ATP10A: variants seen among roughly 807,000 people sequenced by gnomAD.
The protein encoded by ATP10A is ATPase phospholipid transporting 10A (putative), also known as phospholipid-transporting ATPase VA.
ATP10A carries 111 observed loss-of-function variants against 147.8 expected under a neutral mutation model. The observed-to-expected ratio is 0.75, with a 90% confidence interval of 0.64 to 0.88. The LOEUF is 0.88. Ranked by LOEUF, ATP10A falls within the 40% of genes least tolerant of loss-of-function variation. The probability of loss-of-function intolerance (pLI) is 0.00; values close to 1 mark genes in which losing one functional copy is unlikely to be tolerated. For missense variants in ATP10A, 1,927 were observed against 1,959.0 expected (o/e 0.98, Z 0.31); for synonymous variants, 875 against 841.6 (o/e 1.04, Z -0.69).
Position 25,681,868 on chromosome 15 carries a change from A to C in ATP10A, c.3493-794T>G, listed in dbSNP as rs191449202. On this transcript the variant is annotated intron_variant, in intron 17 of 20. Coordinates refer to ENST00000555815, the MANE Select transcript of ATP10A (RefSeq NM_024490.4). ...GGAGATCGAGACCATCCTGGTTAAC[A>C]TGGTGAAACCCCGTCTCTACTAAAC... Among the ~76,000 whole-genome samples, 84 of 152,232 alleles carry C rather than the reference A, an allele frequency of 5.5e-4. 1 individual carries two copies. The highest frequency in any genetic ancestry group is 9.0e-4 in the Non-Finnish European group (61 of 68,004).
intron 1 of ATP10A, among the ~76,000 whole-genome samples, chr15:25,836,104 C>T (rs1435801978): frequency 6.6e-6 from 1 of 152,180 alleles, no homozygotes; most frequent in Non-Finnish European, 1.5e-5. Flanking sequence ...TGAGCCAAAG[C>T]GCCTGGCCTA....
downstream of ATP10A, among the ~76,000 whole-genome samples, chr15:25,675,314 G>C (rs1188231858): frequency 6.6e-6 from 1 of 152,204 alleles, no homozygotes; most frequent in Non-Finnish European, 1.5e-5. Flanking sequence ...CACTTCTGTT[G>C]TTCCAAAACA....
intron 20 of ATP10A, 53 bp from the exon 21 acceptor site, chr15:25,680,027 T>C: frequency 1.9e-6 from 3 of 1,580,496 alleles, no homozygotes; most frequent in African/African-American, 1.4e-5. Flanking sequence ...GGTGGTGTCT[T>C]TGAGCTTCCA....
At position 25,716,787 on chromosome 15, in the gene ATP10A, G is replaced by A. The variant is rs540055667; in HGVS notation, c.1719C>T (p.Ile573=). Residue 573 remains isoleucine (I), a synonymous_variant, in exon 9 of 21, where the codon ATC becomes ATT. Coordinates refer to ENST00000555815, the MANE Select transcript of ATP10A (RefSeq NM_024490.4). ...CGACTGTGTTGCAGATGGTGAGTGC[G>A]ATGAAGAAATCAAAGACGTCAGACA... The part of the protein sequence containing the change: ...PELSDVFDFF[I]ALTICNTVVV... The A allele has an allele frequency of 3.0e-5, 48 of 1,609,164 alleles. No individual in the cohort carries two copies. The South Asian group carries it at 3.0e-4, about 10-fold the overall frequency.
intron 1 of ATP10A, among the ~76,000 whole-genome samples, chr15:25,786,035 C>T (rs537376125): frequency 1.3e-5 from 2 of 152,362 alleles, no homozygotes; most frequent in East Asian, 3.9e-4. Flanking sequence ...ACAGCAGCCC[C>T]CACTGTGGAT....
At chr15:25,768,346 G>A (rs1889138408) in intron 2 of ATP10A, among the ~76,000 whole-genome samples, 1 of 152,134 alleles carries the variant, frequency 6.6e-6, no homozygotes, top group Non-Finnish European at 1.5e-5. Flanking sequence ...AAATGGCATT[G>A]TCTGTTTAAA....
intron 1 of ATP10A, among the ~76,000 whole-genome samples, chr15:25,814,836 G>C (rs1336833226): frequency 6.6e-6 from 1 of 152,118 alleles, no homozygotes; most frequent in African/African-American, 2.4e-5. Flanking sequence ...AGAAGAAAAA[G>C]GCAGAGCCAG....
At chr15:25,715,904 G>C (rs1322363964) in intron 9 of ATP10A, among the ~76,000 whole-genome samples, 7 of 152,124 alleles carry the variant, frequency 4.6e-5, no homozygotes, top group Admixed American at 4.6e-4. Flanking sequence ...AAACTGCCTG[G>C]TTCCATATGC....
intron 2 of ATP10A, among the ~76,000 whole-genome samples, chr15:25,744,842 C>T (rs1039987157): frequency 1.3e-5 from 2 of 151,880 alleles, no homozygotes; most frequent in Non-Finnish European, 2.9e-5. Context: ...GTAATCAGGG[C>T]CCCAGAAGAA....
intron 2 of ATP10A, among the ~76,000 whole-genome samples, chr15:25,759,440 C>A (rs1888633521): frequency 6.6e-6 from 1 of 152,096 alleles, no homozygotes. Flanking sequence ...ATGAAAAGTA[C>A]ACTGATGGGA....
chr15:25,687,972 T>C (rs1290865842), intron 15 of ATP10A, 144 bp from the exon 16 acceptor site: 1 of 1,066,040 alleles, frequency 9.4e-7, no homozygotes, highest in South Asian at 1.3e-5. Flanking sequence ...AGGGTCTCCA[T>C]CGCTGTCGTC....
At chr15:25,822,358 T>C (rs1048888685) in intron 1 of ATP10A, among the ~76,000 whole-genome samples, 2 of 152,190 alleles carry the variant, frequency 1.3e-5, no homozygotes, top group African/African-American at 4.8e-5. Context: ...ACCTATGTTT[T>C]TTCAGCATTT....
At position 25,852,782 on chromosome 15, in the gene ATP10A, C is replaced by T. The variant is rs1893351640; in HGVS notation, c.449+9866G>A. Among the ~76,000 whole-genome samples the T allele has an allele frequency of 4.6e-5, 7 of 152,304 alleles. No individual in the cohort carries two copies. In the South Asian group the frequency reaches 1.5e-3, roughly 32 times the overall value. On this transcript the variant is annotated intron_variant, in intron 1 of 20. Transcript: ENST00000555815. ...AGTGAATTCCCCTAAAACTCATTTACTACCCCTGTACAATCATCCCCACTT... is the reference window on the plus strand; with the variant it reads ...AGTGAATTCCCCTAAAACTCATTTATTACCCCTGTACAATCATCCCCACTT...
chr15:25,691,681 A>G (rs1900044140), intron 15 of ATP10A, 34 bp downstream of exon 15: 9 of 1,611,648 alleles, frequency 5.6e-6, no homozygotes, highest in Admixed American at 3.3e-5. Flanking sequence ...AGTAGGGCCA[A>G]TTGGTCACAC....
chr15:25,704,841 G>A (rs911558342), intron 12 of ATP10A, among the ~76,000 whole-genome samples: 2 of 152,066 alleles, frequency 1.3e-5, no homozygotes, highest in Non-Finnish European at 2.9e-5. Flanking sequence ...CTGTCTTTAC[G>A]ACCTGACCCT....
intron 14 of ATP10A, among the ~76,000 whole-genome samples, chr15:25,694,130 A>C (rs1262243640): frequency 2.6e-5 from 4 of 152,178 alleles, no homozygotes; most frequent in African/African-American, 9.7e-5. Context: ...CCTGCACTAG[A>C]AGTGGGCAGA....
chr15:25,821,770 C>T (rs6576469), intron 1 of ATP10A, among the ~76,000 whole-genome samples: 52,754 of 152,090 alleles, frequency 0.35, 10,445 homozygotes, highest in African/African-American at 0.54. Context: ...AAACATAATA[C>T]TGTTGGGACA....
chr15:25,787,440 C>T (rs1157361474), intron 1 of ATP10A, among the ~76,000 whole-genome samples: 1 of 151,324 alleles, frequency 6.6e-6, no homozygotes, highest in Admixed American at 6.6e-5. Flanking sequence ...ATAGTGAGAC[C>T]CCATCTCTCC....
At chr15:25,707,399 T>G (rs1028348688) in intron 12 of ATP10A, among the ~76,000 whole-genome samples, 23 of 152,334 alleles carry the variant, frequency 1.5e-4, no homozygotes, top group African/African-American at 5.5e-4. Context: ...ATACAATGAC[T>G]TGGCTATTTA....
Sources: allele counts gnomAD v4.1 joint callset (sites outside exome capture counted in the v4.1 genomes callset), GRCh38; gene constraint gnomAD v4.1.1; transcripts MANE v1.5; gene names NCBI Gene and HGNC (gene_info 2026-07-23, HGNC 2026-07-21).